PDZD2: variants seen among roughly 807,000 people sequenced by gnomAD.
PDZD2 encodes the protein PDZ domain-containing protein 2.
Under a neutral mutation model 220.7 loss-of-function variants are expected in PDZD2, and 90 were observed. The ratio of observed to expected loss-of-function variants is 0.41; its 90% CI spans 0.34 to 0.49. PDZD2 has a LOEUF of 0.49. Ranked by LOEUF, PDZD2 falls within the 20% of genes least tolerant of loss-of-function variation. The probability of loss-of-function intolerance (pLI) is 0.28; values close to 1 mark genes in which losing one functional copy is unlikely to be tolerated. For missense variants in PDZD2, 3,174 were observed against 3,608.5 expected, an observed-to-expected ratio of 0.88 and a Z score of 3.08; for synonymous variants, 1,375 against 1,450.5, an observed-to-expected ratio of 0.95 and a Z score of 1.18.
At chr5:31,974,271 G>A (rs188029760) in intron 2 of PDZD2, among the ~76,000 whole-genome samples, 8 of 152,242 alleles carry the variant, frequency 5.3e-5, no homozygotes, top group Admixed American at 1.3e-4. Context: ...TTGAGCCACC[G>A]CACCCAGCTG....
chr5:32,091,164 C>G lies in PDZD2; in HGVS notation c.7716C>G (p.Ser2572Arg). The change falls in exon 20 of 25, where the codon AGC (serine) becomes AGG (arginine). Residue 2572 changes from serine to arginine, a missense_variant. By Grantham distance (110) the Ser-to-Arg change is moderately radical (BLOSUM62 -1). This residue lies in a region of PDZD2 where 631 missense variants were observed against 789.9 expected (regional missense o/e 0.80). Transcript: ENST00000438447. ...CCCAGGATCTGCCTTTTAGAAGAAG[C>G]TGGTCAGTTAAGTAAGTATCTGCCC... ...EAAQDLPFRR[S>R]WSVNLDQLLV... 1 of 1,564,002 alleles carries G rather than the reference C, an allele frequency of 6.4e-7. No individual in the cohort carries two copies. The highest frequency in any genetic ancestry group is 8.7e-7 in the Non-Finnish European group (1 of 1,149,578).
rs376588745 is a variant in PDZD2 at position 32,089,857 on chromosome 5, G to A, written c.6409G>A (p.Ala2137Thr). ...TGAAATCAGGCTCTATCGCCAGGTC[G>A]CAGAATCATCCACAAGTCATCCATC... ...KSEIRLYRQV[A>T]ESSTSHPSSL... The change falls in exon 20 of 25, where the codon GCA (alanine) becomes ACA (threonine). Residue 2137 changes from alanine to threonine, a missense_variant. Physicochemically the swap from Ala to Thr is moderately conservative, Grantham distance 58. Around this residue, in one of 4 missense-constraint regions of PDZD2, gnomAD observed 1,861 missense variants for 2,001.0 expected, o/e 0.93. Transcript: ENST00000438447. 3 of 1,612,976 alleles carry A rather than the reference G, an allele frequency of 1.9e-6. No homozygotes were observed. The highest frequency in any genetic ancestry group is 1.3e-5 in the African/African-American group (1 of 75,048).
chr5:31,900,250 G>A (rs1581029833), intron 2 of PDZD2, among the ~76,000 whole-genome samples: 1 of 152,180 alleles, frequency 6.6e-6, no homozygotes, highest in Admixed American at 6.5e-5. Context: ...CCAGCTTTCC[G>A]TAGTCCTGGG....
rs761010132 is a variant in PDZD2, at chr5:31,715,770, C to G, written c.-361+76333C>G. ...CCACTGTGCCACATGCTTTGTGTAC[C>G]CACGATCTCATTTCATCATTCTGGA... On this transcript the variant is annotated intron_variant, in intron 1 of 24. Transcript: ENST00000438447. Among the ~76,000 whole-genome samples the G allele has an allele frequency of 2.7e-4, 41 of 152,130 alleles. 1 individual carries two copies. Among genetic ancestry groups the G allele is most frequent in the Admixed American group, 4.6e-4 (7 of 15,262 alleles).
chr5:31,995,641 T>C lies in PDZD2; in HGVS notation c.1044T>C (p.Val348=). 1 of 1,614,106 alleles carries C rather than the reference T, an allele frequency of 6.2e-7. No homozygotes were observed. The highest frequency in any genetic ancestry group is 8.5e-7 in the Non-Finnish European group (1 of 1,179,990). Residue 348 remains valine (V), a synonymous_variant, in exon 4 of 25, where the codon GTT becomes GTC. Coordinates refer to ENST00000438447, the MANE Select transcript of PDZD2 (RefSeq NM_178140.4). ...LKESDGLGIQ[V]SGGRGSKRSP... is the part of the protein sequence containing the mutation. ...AATCGGATGGGCTGGGAATTCAGGT[T>C]AGTGGAGGCCGAGGATCAAAGCGCT...
chr5:32,090,727 C>A lies in PDZD2; in HGVS notation c.7279C>A (p.Arg2427=), dbSNP rs201958928. ...CTCAATCATGACACTGACCATCTCT[C>A]GGCAGAACCCACCAGAGACCAGTAG... ...SPSIMTLTIS[R]QNPPETSSKG... The change falls in exon 20 of 25, where the codon CGG becomes AGG. Residue 2427 remains arginine, a synonymous_variant. Coordinates refer to ENST00000438447, the MANE Select transcript of PDZD2 (RefSeq NM_178140.4). This position sits in a 1 kb window ranked among gnomAD's most constrained non-coding sequence, Gnocchi z 4.3. 20 of 1,614,036 alleles carry A rather than the reference C, an allele frequency of 1.2e-5. No individual in the cohort carries two copies. The East Asian group carries it at 3.6e-4, about 29-fold the overall frequency.
chr5:32,107,118 A>AT (rs1020953912), intron 24 of PDZD2, among the ~76,000 whole-genome samples: 17 of 151,854 alleles, frequency 1.1e-4, no homozygotes, highest in East Asian at 5.8e-4. Flanking sequence ...TTTCAATGCC[A>AT]TTTTTTTTCC....
In PDZD2 at chr5:31,799,192, G is replaced by T. The variant is rs1244744362; in HGVS notation, c.-57G>T. The T allele has an allele frequency of 6.6e-6, 8 of 1,221,102 alleles. No individual in the cohort carries two copies. The highest frequency in any genetic ancestry group is 1.5e-5 in the African/African-American group (1 of 66,630). The allele number at this position is 1,221,102 out of a possible 1,614,324, so 75.6% of individuals were successfully genotyped here. A position where few individuals can be genotyped will look rare whatever the true frequency, so the allele number is the denominator to read the frequency against. Reference sequence around the variant, plus strand: ...ACCCCAGGGGACGTGGGGCCCTGTGGGGTCTGGCCCCCAGGAGCAAGACCT... The same window carrying T: ...ACCCCAGGGGACGTGGGGCCCTGTGTGGTCTGGCCCCCAGGAGCAAGACCT... On this transcript the variant is annotated 5_prime_UTR_variant, in exon 2 of 25. Coordinates refer to ENST00000438447, the MANE Select transcript of PDZD2 (RefSeq NM_178140.4).
chr5:31,804,106 C>G (rs564575635), intron 2 of PDZD2, among the ~76,000 whole-genome samples: 1 of 151,994 alleles, frequency 6.6e-6, no homozygotes, highest in Admixed American at 6.6e-5. Context: ...TTCTGGAAAC[C>G]TTTCACAGCT....
intron 7 of PDZD2, among the ~76,000 whole-genome samples, chr5:32,046,519 A>C (rs1737986678): frequency 6.6e-6 from 1 of 152,210 alleles, no homozygotes; most frequent in African/African-American, 2.4e-5. Context: ...CTGGGATTAC[A>C]GGCATGAGCC....
chr5:31,695,482 C>G (rs1278620117), intron 1 of PDZD2, among the ~76,000 whole-genome samples: 1 of 152,232 alleles, frequency 6.6e-6, no homozygotes, highest in African/African-American at 2.4e-5. Flanking sequence ...CAGTCCTGTT[C>G]TCAAATCCAG....
At chr5:31,855,190 C>T (rs1470191010) in intron 2 of PDZD2, 5 of 857,038 alleles carry the variant, frequency 5.8e-6, no homozygotes, top group South Asian at 5.3e-5. Context: ...GCTTCTCAGG[C>T]GAAAGCCTCA....
chr5:32,054,553 G>A (rs968058646), intron 10 of PDZD2, among the ~76,000 whole-genome samples: 1 of 151,740 alleles, frequency 6.6e-6, no homozygotes, highest in Admixed American at 6.6e-5. Flanking sequence ...TCAAACACCT[G>A]GGTTCAAGTG....
At chr5:31,885,685 A>G (rs547159956) in intron 2 of PDZD2, among the ~76,000 whole-genome samples, 3 of 152,302 alleles carry the variant, frequency 2.0e-5, no homozygotes, top group Admixed American at 2.0e-4. Flanking sequence ...ACATATCACT[A>G]AGGAAAGAGA....
chr5:31,650,426 G>T (rs1745308813), intron 1 of PDZD2, among the ~76,000 whole-genome samples: 1 of 152,130 alleles, frequency 6.6e-6, no homozygotes, highest in Non-Finnish European at 1.5e-5. Flanking sequence ...AGCAGGAACT[G>T]CCTGGGATCC....
At chr5:32,071,070 A>G (rs1416197010) in intron 15 of PDZD2, among the ~76,000 whole-genome samples, 1 of 152,256 alleles carries the variant, frequency 6.6e-6, no homozygotes, top group Non-Finnish European at 1.5e-5. Flanking sequence ...ACATTATATG[A>G]TGTACATGAA....
At chr5:32,057,227 G>A (rs975297955) in intron 10 of PDZD2, among the ~76,000 whole-genome samples, 1 of 152,116 alleles carries the variant, frequency 6.6e-6, no homozygotes, top group Non-Finnish European at 1.5e-5. Context: ...TGTGCTTGGG[G>A]AACTTGTCTT....
At chr5:31,640,759 T>C (rs1002562283) in intron 1 of PDZD2, among the ~76,000 whole-genome samples, 1 of 151,914 alleles carries the variant, frequency 6.6e-6, no homozygotes, top group Admixed American at 6.6e-5. Flanking sequence ...CCCCTGGCTG[T>C]AGGTGGTGGT....
intron 7 of PDZD2, among the ~76,000 whole-genome samples, chr5:32,041,607 A>G (rs2112253362): frequency 6.6e-6 from 1 of 152,252 alleles, no homozygotes; most frequent in African/African-American, 2.4e-5. Flanking sequence ...GGGCGGTGCA[A>G]GATGTGCTTT....
Sources: allele counts gnomAD v4.1 joint callset (sites outside exome capture counted in the v4.1 genomes callset), GRCh38; gene constraint gnomAD v4.1.1; regional missense constraint gnomAD v4.1.1; non-coding constraint Gnocchi (gnomAD v3.1); transcripts MANE v1.5; gene names NCBI Gene and HGNC (gene_info 2026-07-23, HGNC 2026-07-21).